The following ZNF114 variants were observed in gnomAD, a reference collection of about 807,000 sequenced individuals.
ZNF114 encodes zinc finger protein 114 (Y18).
In ZNF114, 8 loss-of-function variants were observed where a neutral mutation model predicts 6.8. The observed-to-expected ratio is 1.18, with a 90% confidence interval of 0.69 to 2.13. ZNF114 has a LOEUF of 2.13. Ranked by LOEUF, ZNF114 falls within the 30% of genes most tolerant of loss-of-function variation. The probability of loss-of-function intolerance (pLI) is 0.00; values close to 1 mark genes in which losing one functional copy is unlikely to be tolerated. For synonymous variants in ZNF114, 169 were observed against 185.5 expected (o/e 0.91, Z 0.72); for missense variants, 472 against 519.5 (o/e 0.91, Z 0.89).
chr19:48,272,698 A>C (rs925673351), intron 3 of ZNF114, among the ~76,000 whole-genome samples: 6 of 134,334 alleles, frequency 4.5e-5, no homozygotes, highest in Non-Finnish European at 6.3e-5. Context: ...AAAAAAAAAA[A>C]GTATTGGATT....
chr19:48,280,567 T>C (rs67997107), intron 4 of ZNF114, among the ~76,000 whole-genome samples: 5,875 of 150,188 alleles, frequency 0.039, 219 homozygotes, highest in Middle Eastern at 0.14. Context: ...TTTTTTTTTT[T>C]TTGAGACGGA....
chr19:48,285,161 C>T (rs188161763), intron 5 of ZNF114, among the ~76,000 whole-genome samples: 1 of 152,290 alleles, frequency 6.6e-6, no homozygotes, highest in East Asian at 1.9e-4. Flanking sequence ...CTTTCTTCCC[C>T]TTCACATTTT....
chr19:48,287,298 A>T lies in ZNF114; in HGVS notation c.*420A>T, dbSNP rs1271967807. 1 of 154,158 alleles carries T rather than the reference A, an allele frequency of 6.5e-6. No individual in the cohort carries two copies. The highest frequency in any genetic ancestry group is 1.9e-4 in the East Asian group (1 of 5,230). The allele number at this position is 154,158 out of a possible 1,614,324, so 9.5% of individuals were successfully genotyped here. Reference sequence around the variant, plus strand: ...ATCACGAGGTCAGGAGATCAAGACCATCCTGGCTAACACGGTGATACCCCG... The same window carrying T: ...ATCACGAGGTCAGGAGATCAAGACCTTCCTGGCTAACACGGTGATACCCCG... On this transcript the variant is annotated 3_prime_UTR_variant, in exon 6 of 6. Coordinates refer to ENST00000595607, the MANE Select transcript of ZNF114 (RefSeq NM_153608.4).
chr19:48,270,392 A>AG (rs1212253824), intron 1 of ZNF114, among the ~76,000 whole-genome samples, 173 bp downstream of exon 1: 1 of 118,836 alleles, frequency 8.4e-6, no homozygotes, highest in Non-Finnish European at 1.9e-5. Flanking sequence ...AACTTGTCTC[A>AG]GAAAAAAAAA....
intron 3 of ZNF114, among the ~76,000 whole-genome samples, chr19:48,273,428 G>GCTTT (rs1555876055): frequency 3.5e-5 from 5 of 144,738 alleles, no homozygotes; most frequent in Non-Finnish European, 7.5e-5. Context: ...TTTCTTTTCT[G>GCTTT]TTTTTTTTTT....
chr19:48,285,430 G>A (rs1291801977), intron 5 of ZNF114, among the ~76,000 whole-genome samples: 5 of 151,860 alleles, frequency 3.3e-5, no homozygotes, highest in African/African-American at 7.3e-5. Context: ...CCTGGGAGGC[G>A]GAGGTTGTAA....
intron 5 of ZNF114, among the ~76,000 whole-genome samples, chr19:48,284,519 C>G (rs890029287): frequency 5.8e-4 from 89 of 152,320 alleles, no homozygotes; most frequent in African/African-American, 2.1e-3. Flanking sequence ...CAATCTCTGC[C>G]TGCCGGATTC....
Position 48,286,805 on chromosome 19 carries a change from G to C in ZNF114, c.1181G>C (p.Gly394Ala). The change falls in exon 6 of 6, where the codon GGA becomes GCA. Residue 394 changes from glycine to alanine, a missense_variant. Coordinates refer to ENST00000595607, the MANE Select transcript of ZNF114 (RefSeq NM_153608.4). The part of the protein sequence containing the change: ...GEKPYKCKTC[G>A]KDFAKSSGLK... Reference sequence around the variant, plus strand: ...AAACCCTATAAATGTAAGACATGTGGAAAAGACTTTGCAAAGTCGTCAGGA... The same window carrying C: ...AAACCCTATAAATGTAAGACATGTGCAAAAGACTTTGCAAAGTCGTCAGGA... 6.2e-7 allele frequency: 1 copy of C among 1,603,686 alleles called. No homozygotes were observed. The highest frequency in any genetic ancestry group is 8.5e-7 in the Non-Finnish European group (1 of 1,177,374).
chr19:48,278,136 A>C (rs911672978), intron 3 of ZNF114, among the ~76,000 whole-genome samples: 1 of 152,094 alleles, frequency 6.6e-6, no homozygotes, highest in Non-Finnish European at 1.5e-5. Context: ...GGGTTTCGCC[A>C]TGTTGGCCAG....
chr19:48,274,482 T>TTATATA (rs1160853614), intron 3 of ZNF114, among the ~76,000 whole-genome samples: 25 of 139,736 alleles, frequency 1.8e-4, no homozygotes, highest in Middle Eastern at 3.6e-3. Context: ...AAAAAAACTT[T>TTATATA]TATATATATA....
intron 3 of ZNF114, among the ~76,000 whole-genome samples, chr19:48,275,787 G>A (rs1967813476): frequency 1.3e-5 from 2 of 151,984 alleles, no homozygotes; most frequent in South Asian, 2.1e-4. Flanking sequence ...GAGGTCAGGA[G>A]ATCGAGACCA....
At position 48,286,425 on chromosome 19, in the gene ZNF114, G is replaced by A. The variant is rs769792889; in HGVS notation, c.801G>A (p.Met267Ile). 1.1e-5 allele frequency: 17 copies of A among 1,614,086 alleles called. No homozygotes were observed. In the South Asian group the frequency reaches 1.9e-4, roughly 18 times the overall value. The stretch of plus-strand genomic sequence containing the variant: ...ATAACTCAATTCACGCCATGCAGAT[G>A]CAGTTGTATACCGCAGAGACAAACA... The part of the protein sequence containing the change: ...SRNNSIHAMQ[M>I]QLYTAETNKK... Residue 267 changes from methionine (M) to isoleucine (I), a missense_variant, in exon 6 of 6, where the codon ATG becomes ATA. Coordinates refer to ENST00000595607, the MANE Select transcript of ZNF114 (RefSeq NM_153608.4).
In ZNF114 at chr19:48,287,590, A is replaced by T. The variant is rs1395941248; in HGVS notation, c.*712A>T. 2 of 152,112 alleles carry T rather than the reference A, an allele frequency of 1.3e-5. No individual in the cohort carries two copies. Among genetic ancestry groups the T allele is most frequent in the Non-Finnish European group, 2.9e-5 (2 of 68,062 alleles). 9.4% of individuals were successfully genotyped at this position (152,112 alleles called of 1,614,324 possible). A position where few individuals can be genotyped will look rare whatever the true frequency, so the allele number is the denominator to read the frequency against. On this transcript the variant is annotated 3_prime_UTR_variant, in exon 6 of 6. Transcript: ENST00000595607. ...CTGAAGGGAGGCTACAACTGGAATA[A>T]AAATAAGAAAGCTTTCAAGGCCTGG...
rs977940854 is a variant in ZNF114, at chr19:48,281,840, A to T, written c.10-531A>T. ...GCAGCTGGCCAGATTTCCTCTTCTT[A>T]TAAGGACACCAGTCACTGGATTAGG... On this transcript the variant is annotated intron_variant, in intron 4 of 5. Transcript: ENST00000595607. 4.8e-5 allele frequency among the ~76,000 whole-genome samples: 7 copies of T among 147,160 alleles called. No individual in the cohort carries two copies. In the East Asian group the frequency reaches 1.5e-3, roughly 31 times the overall value.
chr19:48,276,429 ATGCCTCCGTACCCTGCTAATGAC>A (rs1207391421), intron 3 of ZNF114, among the ~76,000 whole-genome samples: 2 of 152,018 alleles, frequency 1.3e-5, no homozygotes, highest in Non-Finnish European at 2.9e-5. Context: ...GTCCTGAGTG[ATGCCTCCGTACCCTGCTAATGAC>A]TGCCTCCCCT....
chr19:48,282,680 T>G (rs1968022044), intron 5 of ZNF114, among the ~76,000 whole-genome samples, 183 bp downstream of exon 5: 1 of 131,520 alleles, frequency 7.6e-6, no homozygotes. Context: ...CATTACTTTA[T>G]TTATTTTATT....
At chr19:48,273,328 G>A (rs532794673) in intron 3 of ZNF114, among the ~76,000 whole-genome samples, 1 of 152,232 alleles carries the variant, frequency 6.6e-6, no homozygotes, top group South Asian at 2.1e-4. Flanking sequence ...CATCAGCCAG[G>A]TATATCTTCG....
chr19:48,276,153 C>T (rs1175959943), intron 3 of ZNF114, among the ~76,000 whole-genome samples: 1 of 146,076 alleles, frequency 6.8e-6, no homozygotes, highest in Non-Finnish European at 1.5e-5. Context: ...AATCTCGGCT[C>T]ACCGCAACCT....
At chr19:48,273,149 G>C (rs1967721916) in intron 3 of ZNF114, among the ~76,000 whole-genome samples, 3 of 152,124 alleles carry the variant, frequency 2.0e-5, no homozygotes, top group African/African-American at 7.2e-5. Context: ...TCTTTTATGG[G>C]AACTGAGACC....
Sources: allele counts gnomAD v4.1 joint callset (sites outside exome capture counted in the v4.1 genomes callset), GRCh38; gene constraint gnomAD v4.1.1; transcripts MANE v1.5; gene names NCBI Gene and HGNC (gene_info 2026-07-23, HGNC 2026-07-21).